CSMD3: variants seen among roughly 807,000 people sequenced by gnomAD.
The protein encoded by CSMD3 is CUB and Sushi multiple domains 3.
A neutral mutation model predicts 435.2 loss-of-function variants in CSMD3; 177 were observed. That is an observed-to-expected ratio of 0.41 (90% confidence interval 0.36 to 0.46). CSMD3 has a LOEUF of 0.46. Ranked by LOEUF, CSMD3 falls within the 20% of genes least tolerant of loss-of-function variation. The pLI is 0.34. For synonymous variants in CSMD3, 1,656 were observed against 1,520.5 expected (o/e 1.09, Z -2.07); for missense variants, 4,265 against 4,504.6 (o/e 0.95, Z 1.52).
At chr8:112,586,012 T>C (rs901514143) in intron 23 of CSMD3, among the ~76,000 whole-genome samples, 7 of 151,670 alleles carry the variant, frequency 4.6e-5, no homozygotes, top group South Asian at 4.1e-4. Flanking sequence ...AATGCATATA[T>C]TGATCCTAGA....
chr8:112,258,555 T>C (rs563979814), intron 61 of CSMD3, among the ~76,000 whole-genome samples: 1 of 152,108 alleles, frequency 6.6e-6, no homozygotes, highest in East Asian at 1.9e-4. Flanking sequence ...ATTAGAGAAA[T>C]GCAACTCAAA....
intron 13 of CSMD3, among the ~76,000 whole-genome samples, chr8:112,710,801 A>C (rs1364800636): frequency 6.6e-6 from 1 of 150,908 alleles, no homozygotes; most frequent in East Asian, 1.9e-4. Context: ...CTAGATAAGC[A>C]TAAGTTCCCA....
chr8:112,377,146 A>G (rs748934566), intron 38 of CSMD3, among the ~76,000 whole-genome samples: 5 of 152,086 alleles, frequency 3.3e-5, no homozygotes, highest in Non-Finnish European at 5.9e-5. Context: ...TTCGCAATTT[A>G]AAAACACTTA....
At chr8:112,758,093 G>A (rs2077744517) in intron 13 of CSMD3, among the ~76,000 whole-genome samples, 2 of 151,972 alleles carry the variant, frequency 1.3e-5, no homozygotes, top group East Asian at 1.9e-4. Context: ...GGTTGCTCAC[G>A]CCTGTAATCC....
chr8:112,455,702 G>T (rs527236448), intron 32 of CSMD3, among the ~76,000 whole-genome samples: 1 of 149,866 alleles, frequency 6.7e-6, no homozygotes, highest in African/African-American at 2.5e-5. Context: ...TTTTTTCAAC[G>T]TGCTCATTTT....
At chr8:112,705,850 T>A (rs2076487864) in intron 13 of CSMD3, among the ~76,000 whole-genome samples, 1 of 152,112 alleles carries the variant, frequency 6.6e-6, no homozygotes, top group Admixed American at 6.6e-5. Flanking sequence ...TCTTATATAT[T>A]CTGACTTACT....
chr8:113,288,196 A>AT (rs1334350715), intron 2 of CSMD3, among the ~76,000 whole-genome samples: 2 of 151,806 alleles, frequency 1.3e-5, no homozygotes, highest in African/African-American at 4.8e-5. Context: ...AACTTTTGGC[A>AT]TTTTTTCCTC....
intron 16 of CSMD3, among the ~76,000 whole-genome samples, chr8:112,680,933 G>A (rs916851900): frequency 6.6e-6 from 1 of 151,758 alleles, no homozygotes; most frequent in Non-Finnish European, 1.5e-5. Context: ...AAAAGAAACT[G>A]CTTTTAAAAT....
intron 13 of CSMD3, among the ~76,000 whole-genome samples, chr8:112,765,195 G>T (rs986308053): frequency 6.6e-6 from 1 of 151,562 alleles, no homozygotes. Context: ...TGTGAGCAAT[G>T]GAAAGTATGG....
At chr8:112,344,840 A>G (rs530187663) in intron 41 of CSMD3, among the ~76,000 whole-genome samples, 20 of 152,226 alleles carry the variant, frequency 1.3e-4, no homozygotes, top group African/African-American at 4.6e-4. Flanking sequence ...TTGTATTTAA[A>G]CCTAATATTT....
intron 11 of CSMD3, among the ~76,000 whole-genome samples, chr8:112,832,988 T>C (rs2079920555): frequency 1.3e-5 from 2 of 152,160 alleles, no homozygotes; most frequent in Admixed American, 6.6e-5. Flanking sequence ...ATGTTGGATT[T>C]TGGATTCTGG....
At chr8:113,284,529 C>G (rs1478374840) in intron 2 of CSMD3, among the ~76,000 whole-genome samples, 2 of 152,250 alleles carry the variant, frequency 1.3e-5, no homozygotes, top group East Asian at 3.9e-4. Context: ...AGATAAATAT[C>G]TCATGCACAC....
intron 4 of CSMD3, among the ~76,000 whole-genome samples, chr8:113,153,105 G>GAA (rs879259918): frequency 6.1e-5 from 6 of 98,484 alleles, no homozygotes; most frequent in Admixed American, 2.4e-4. Flanking sequence ...AGAAAGAAAA[G>GAA]AAAGAAAGAA....
intron 13 of CSMD3, among the ~76,000 whole-genome samples, chr8:112,766,229 C>A (rs1304795691): frequency 2.6e-5 from 4 of 151,514 alleles, no homozygotes; most frequent in African/African-American, 7.3e-5. Flanking sequence ...TAAATCTAAT[C>A]CATGTTTCTC....
intron 30 of CSMD3, among the ~76,000 whole-genome samples, chr8:112,494,929 T>TAC (rs1361885731): frequency 6.6e-6 from 1 of 151,946 alleles, no homozygotes; most frequent in Admixed American, 6.6e-5. Context: ...AGCACACATA[T>TAC]ACACACACAC....
chr8:113,266,808 A>G (rs990544436), intron 3 of CSMD3, among the ~76,000 whole-genome samples: 3 of 151,590 alleles, frequency 2.0e-5, no homozygotes, highest in Admixed American at 6.6e-5. Flanking sequence ...CTTGTGTTTG[A>G]AGTGGTTTTC....
intron 36 of CSMD3, among the ~76,000 whole-genome samples, chr8:112,389,364 C>A (rs748676082): frequency 6.6e-6 from 1 of 152,160 alleles, no homozygotes. Context: ...ATCCTCTATA[C>A]AAGCTGGAGC....
intron 35 of CSMD3, among the ~76,000 whole-genome samples, chr8:112,397,331 T>C (rs1830937760): frequency 6.6e-6 from 1 of 152,172 alleles, no homozygotes; most frequent in Non-Finnish European, 1.5e-5. Context: ...ATTGTCAACT[T>C]TATGGATTTA....
chr8:113,355,716 TTATTTTTATATATATATATA>T (rs1389043429), intron 1 of CSMD3, among the ~76,000 whole-genome samples: 3 of 92,194 alleles, frequency 3.3e-5, no homozygotes, highest in African/African-American at 1.5e-4. Flanking sequence ...CTTAAAAGTT[TTATTTTTATATATATATATA>T]TATATATATA....
Sources: allele counts gnomAD v4.1 joint callset (sites outside exome capture counted in the v4.1 genomes callset), GRCh38; gene constraint gnomAD v4.1.1; transcripts MANE v1.5; gene names NCBI Gene and HGNC (gene_info 2026-07-23, HGNC 2026-07-21).